The following TMEM151A variants were observed in gnomAD, a reference collection of about 807,000 sequenced individuals.
TMEM151A encodes the protein transmembrane protein 151.
In TMEM151A, 21 loss-of-function variants were observed where a neutral mutation model predicts 33.7. The observed-to-expected ratio is 0.62, with a 90% CI of 0.44 to 0.90. The LOEUF (loss-of-function observed/expected upper bound fraction) is 0.90, where lower values mean the gene tolerates loss of function less well. TMEM151A is among the 40% of genes least tolerant of loss of function. The pLI is 0.00. For missense variants in TMEM151A, 704 were observed against 697.7 expected (o/e 1.01, Z -0.10); for synonymous variants, 374 against 330.3 (o/e 1.13, Z -1.43).
chr11:66,295,127 C>T lies in TMEM151A; in HGVS notation c.881C>T (p.Ala294Val). 2 of 1,583,716 alleles carry T rather than the reference C, an allele frequency of 1.3e-6. No individual in the cohort carries two copies. Among genetic ancestry groups the T allele is most frequent in the Non-Finnish European group, 1.7e-6 (2 of 1,170,958 alleles). The change falls in exon 2 of 2, where the codon GCC becomes GTC. Residue 294 changes from alanine to valine, a missense_variant. By Grantham distance (64) the Ala-to-Val change is moderately conservative. Transcript: ENST00000327259. ...RAWVFWLVSA[A>V]TLSWPLRVVA... Reference sequence around the variant, plus strand: ...TGGGTCTTCTGGCTCGTGTCGGCGGCCACGCTGTCGTGGCCCCTGCGCGTC... The same window carrying T: ...TGGGTCTTCTGGCTCGTGTCGGCGGTCACGCTGTCGTGGCCCCTGCGCGTC...
intron 1 of TMEM151A, 68 bp from the exon 2 acceptor site, chr11:66,294,254 A>G (rs1016983246): frequency 4.4e-6 from 7 of 1,576,860 alleles, no homozygotes; most frequent in Non-Finnish European, 6.0e-6. Context: ...CAGCCGGGTT[A>G]AGCAAAGTGG....
Position 66,295,166 on chromosome 11 carries a change from G to C in TMEM151A, c.920G>C (p.Gly307Ala). 2.5e-6 allele frequency: 4 copies of C among 1,586,326 alleles called. No individual in the cohort carries two copies. The South Asian group carries it at 3.4e-5, about 13-fold the overall frequency. The change falls in exon 2 of 2, where the codon GGC becomes GCC. Residue 307 changes from glycine (G) to alanine (A), a missense_variant. This residue lies in a region of TMEM151A where 398 missense variants were observed against 356.0 expected (regional missense o/e 1.12). Coordinates refer to ENST00000327259, the MANE Select transcript of TMEM151A (RefSeq NM_153266.4). ...SWPLRVVAAY[G>A]TAHVHYQVEK... ...CCCCTGCGCGTCGTGGCCGCCTATG[G>C]CACGGCTCACGTGCACTACCAGGTG...
At chr11:66,294,182 G>T (rs1004107555) in intron 1 of TMEM151A, 140 bp from the exon 2 acceptor site, 214 of 1,309,914 alleles carry the variant, frequency 1.6e-4, no homozygotes, top group Admixed American at 8.6e-4. Context: ...GGAGCAAGCT[G>T]CTCATCCCTC....
chr11:66,292,224 C>G lies in TMEM151A; in HGVS notation c.75+136C>G, dbSNP rs1161623162. The G allele has an allele frequency of 5.3e-6, 4 of 750,086 alleles. No homozygotes were observed. The highest frequency in any genetic ancestry group is 7.7e-6 in the Non-Finnish European group (4 of 517,332). The allele number at this position is 750,086 out of a possible 1,614,324, so 46.5% of individuals were successfully genotyped here. On this transcript the variant is annotated intron_variant, in intron 1 of 1. Transcript: ENST00000327259. The surrounding 1 kb of genome is among the most constrained non-coding windows in gnomAD (Gnocchi z 4.7). ...CCAATGACGTCATTGGGGTCACCTG[C>G]GCCCTGCCAAGGGTCCAGGGGCCCG...
In TMEM151A at chr11:66,295,721, T is replaced by C. The variant is rs796234739; in HGVS notation, c.*68T>C. ...ACCATGGGCTTAGATGCCCGAGTGA[T>C]TGTTGTCCAAAACAGGCGGGAAAAC... On this transcript the variant is annotated 3_prime_UTR_variant, in exon 2 of 2. Transcript: ENST00000327259. The C allele has an allele frequency of 5.3e-6, 7 of 1,329,024 alleles. No individual in the cohort carries two copies. In the African/African-American group the frequency reaches 8.6e-5, roughly 16 times the overall value. The allele number at this position is 1,329,024 out of a possible 1,614,324, so 82.3% of individuals were successfully genotyped here. A position where few individuals can be genotyped will look rare whatever the true frequency, so the allele number is the denominator to read the frequency against.
chr11:66,295,440 C>T lies in TMEM151A; in HGVS notation c.1194C>T (p.Arg398=). ...SLPPARPSGP[R]LPFSRSRLSL... ...CCCCCGCCCGGCCCAGCGGGCCCCGCCTGCCCTTCAGCCGCAGCCGCCTCT... is the reference window on the plus strand; with the variant it reads ...CCCCCGCCCGGCCCAGCGGGCCCCGTCTGCCCTTCAGCCGCAGCCGCCTCT... Residue 398 remains arginine, a synonymous_variant, in exon 2 of 2, where the codon CGC becomes CGT. Coordinates refer to ENST00000327259, the MANE Select transcript of TMEM151A (RefSeq NM_153266.4). The T allele has an allele frequency of 2.0e-6, 3 of 1,465,604 alleles. No individual in the cohort carries two copies. Among genetic ancestry groups the T allele is most frequent in the Non-Finnish European group, 2.7e-6 (3 of 1,110,526 alleles). 90.8% of individuals were successfully genotyped at this position (1,465,604 alleles called of 1,614,324 possible). A position where few individuals can be genotyped will look rare whatever the true frequency, so the allele number is the denominator to read the frequency against.
Position 66,295,557 on chromosome 11 carries a change from G to A in TMEM151A, c.1311G>A (p.Leu437=). 6.8e-7 allele frequency: 1 copy of A among 1,477,676 alleles called. No individual in the cohort carries two copies. Among genetic ancestry groups the A allele is most frequent in the African/African-American group, 1.5e-5 (1 of 68,022 alleles). The allele number at this position is 1,477,676 out of a possible 1,614,324, so 91.5% of individuals were successfully genotyped here. Residue 437 remains leucine, a synonymous_variant, in exon 2 of 2, where the codon CTG becomes CTA. Transcript: ENST00000327259. The part of the protein sequence containing the change: ...LGRRGEDTEP[L]ESPPCYEDAL... ...GCCGTGGAGAGGACACGGAACCCCT[G>A]GAGAGCCCGCCCTGCTATGAGGACG...
In TMEM151A at chr11:66,295,785, G is replaced by T. The variant is rs1012018582; in HGVS notation, c.*132G>T. 2.1e-5 allele frequency: 18 copies of T among 864,614 alleles called. No homozygotes were observed. The African/African-American group carries it at 2.8e-4, about 14-fold the overall frequency. 53.6% of individuals were successfully genotyped at this position (864,614 alleles called of 1,614,324 possible). ...ACAAGGGGCAGGGGTGAGGGTGGGG[G>T]TGGGGGTCCTTAAACAGACTAAAAT... is the stretch of plus-strand genomic sequence containing the variant. On this transcript the variant is annotated 3_prime_UTR_variant, in exon 2 of 2. Coordinates refer to ENST00000327259, the MANE Select transcript of TMEM151A (RefSeq NM_153266.4).
At position 66,294,495 on chromosome 11, in the gene TMEM151A, G is replaced by A; in HGVS notation, c.249G>A (p.Gly83=). The A allele has an allele frequency of 6.2e-7, 1 of 1,604,628 alleles. No individual in the cohort carries two copies. The highest frequency in any genetic ancestry group is 8.5e-7 in the Non-Finnish European group (1 of 1,175,398). The change falls in exon 2 of 2, where the codon GGG becomes GGA. Residue 83 remains glycine (G), a synonymous_variant. Transcript: ENST00000327259. Reference sequence around the variant, plus strand: ...AGGCCGCCTTGGCCCGGGGAGCCGGGGGCCCGCCACCGACCTACCCGGCCA... The same window carrying A: ...AGGCCGCCTTGGCCCGGGGAGCCGGAGGCCCGCCACCGACCTACCCGGCCA... ...GPEAALARGA[G]GPPPTYPASP... is the part of the protein sequence containing the mutation.
Position 66,294,691 on chromosome 11 carries a change from G to A in TMEM151A, c.445G>A (p.Val149Ile), listed in dbSNP as rs1839524551. 6.3e-7 allele frequency: 1 copy of A among 1,585,408 alleles called. No individual in the cohort carries two copies. Among genetic ancestry groups the A allele is most frequent in the East Asian group, 2.3e-5 (1 of 43,368 alleles). Residue 149 changes from valine to isoleucine, a missense_variant, in exon 2 of 2, where the codon GTC (valine) becomes ATC (isoleucine). Physicochemically the swap from Val to Ile is conservative, Grantham distance 29. This residue lies in a region of TMEM151A where 301 missense variants were observed against 323.4 expected (regional missense o/e 0.93). Coordinates refer to ENST00000327259, the MANE Select transcript of TMEM151A (RefSeq NM_153266.4). Reference protein sequence around the residue: ...IRRLQQAPPCVWWKATSYHYV... With the variant: ...IRRLQQAPPCIWWKATSYHYV... Reference sequence around the variant, plus strand: ...CCGGCTGCAGCAGGCGCCGCCGTGCGTCTGGTGGAAGGCCACCAGCTATCA... The same window carrying A: ...CCGGCTGCAGCAGGCGCCGCCGTGCATCTGGTGGAAGGCCACCAGCTATCA...
intron 1 of TMEM151A, among the ~76,000 whole-genome samples, chr11:66,293,275 G>T (rs764259440): frequency 6.6e-6 from 1 of 152,086 alleles, no homozygotes; most frequent in Non-Finnish European, 1.5e-5. Context: ...TCTCCTCTTG[G>T]GCCTCTGGAG....
Position 66,294,538 on chromosome 11 carries a change from T to TACCTGTACATCCCGCTGGCC in TMEM151A, c.293_312dup (p.Phe105ThrfsTer41), listed in dbSNP as rs773020555. 3 of 1,612,756 alleles carry TACCTGTACATCCCGCTGGCC rather than the reference T, an allele frequency of 1.9e-6. No individual in the cohort carries two copies. The highest frequency in any genetic ancestry group is 3.3e-5 in the Admixed American group (2 of 59,930). On this transcript the variant is annotated frameshift_variant, in exon 2 of 2. Coordinates refer to ENST00000327259, the MANE Select transcript of TMEM151A (RefSeq NM_153266.4). LOFTEE classifies it high-confidence loss of function. ...CCCGGCCAGCCCCTGCTCCGATGGCTACCTGTACATCCCGCTGGCCTTCGT... is the reference window on the plus strand; with the variant it reads ...CCCGGCCAGCCCCTGCTCCGATGGCTACCTGTACATCCCGCTGGCCACCTGTACATCCCGCTGGCCTTCGT...
At position 66,294,839 on chromosome 11, in the gene TMEM151A, A is replaced by ACGG. The variant is rs1565190247; in HGVS notation, c.596_598dup (p.Gly199dup). On this transcript the variant is annotated inframe_insertion, in exon 2 of 2. Transcript: ENST00000327259. ...CGCGGCGAGTTTGACTACTCGGCGC[A>ACGG]CGGCGTCCGCGACGTCTCCAAGGAG... 1.3e-6 allele frequency: 2 copies of ACGG among 1,539,086 alleles called. No homozygotes were observed. The highest frequency in any genetic ancestry group is 1.7e-6 in the Non-Finnish European group (2 of 1,145,784).
chr11:66,295,659 C>A lies in TMEM151A; in HGVS notation c.*6C>A. ...ATGGGCAGGGTGCTCTCTGAGACCCCCCACGGCCCCCAGAGTGGCCCCCTC... is the reference window on the plus strand; with the variant it reads ...ATGGGCAGGGTGCTCTCTGAGACCCACCACGGCCCCCAGAGTGGCCCCCTC... On this transcript the variant is annotated 3_prime_UTR_variant, in exon 2 of 2. Transcript: ENST00000327259. 6.7e-7 allele frequency: 1 copy of A among 1,487,698 alleles called. No homozygotes were observed. The highest frequency in any genetic ancestry group is 2.4e-5 in the Admixed American group (1 of 41,682). 92.2% of individuals were successfully genotyped at this position (1,487,698 alleles called of 1,614,324 possible). A position where few individuals can be genotyped will look rare whatever the true frequency, so the allele number is the denominator to read the frequency against.
rs1854315136 is a variant in TMEM151A at position 66,296,006 on chromosome 11, C to T, written c.*353C>T. On this transcript the variant is annotated 3_prime_UTR_variant, in exon 2 of 2. Transcript: ENST00000327259. The stretch of plus-strand genomic sequence containing the variant: ...CTGCAGCAGAGGCTGCCTGTGGACA[C>T]TTCCCTACCGGGGCTGAGGCCATGC... 4.7e-6 allele frequency: 1 copy of T among 213,876 alleles called. No individual in the cohort carries two copies. The highest frequency in any genetic ancestry group is 9.2e-6 in the Non-Finnish European group (1 of 108,216). The allele number at this position is 213,876 out of a possible 1,614,324, so 13.2% of individuals were successfully genotyped here.
At chr11:66,293,876 G>T (rs909926689) in intron 1 of TMEM151A, among the ~76,000 whole-genome samples, 2 of 152,206 alleles carry the variant, frequency 1.3e-5, no homozygotes, top group African/African-American at 2.4e-5. Context: ...CAAAGCCCAT[G>T]CTGTTTACAC....
At position 66,295,022 on chromosome 11, in the gene TMEM151A, T is replaced by C; in HGVS notation, c.776T>C (p.Met259Thr). ...LDDYLEAREG[M>T]HLKDVDFRES... ...GACTATCTGGAGGCGCGCGAGGGCA[T>C]GCACCTGAAGGACGTAGACTTCCGC... is the stretch of plus-strand genomic sequence containing the variant. The change falls in exon 2 of 2, where the codon ATG becomes ACG. Residue 259 changes from methionine to threonine, a missense_variant. Met to Thr is a moderately conservative substitution (Grantham distance 81). Transcript: ENST00000327259. 1 of 1,598,728 alleles carries C rather than the reference T, an allele frequency of 6.3e-7. No individual in the cohort carries two copies. Among genetic ancestry groups the C allele is most frequent in the Non-Finnish European group, 8.5e-7 (1 of 1,179,000 alleles).
chr11:66,295,655 A>C lies in TMEM151A; in HGVS notation c.*2A>C. 1 of 1,493,650 alleles carries C rather than the reference A, an allele frequency of 6.7e-7. No individual in the cohort carries two copies. The highest frequency in any genetic ancestry group is 8.9e-7 in the Non-Finnish European group (1 of 1,124,682). 92.5% of individuals were successfully genotyped at this position (1,493,650 alleles called of 1,614,324 possible). A position where few individuals can be genotyped will look rare whatever the true frequency, so the allele number is the denominator to read the frequency against. On this transcript the variant is annotated 3_prime_UTR_variant, in exon 2 of 2. Coordinates refer to ENST00000327259, the MANE Select transcript of TMEM151A (RefSeq NM_153266.4). ...GGGGATGGGCAGGGTGCTCTCTGAG[A>C]CCCCCCACGGCCCCCAGAGTGGCCC...
At position 66,295,809 on chromosome 11, in the gene TMEM151A, A is replaced by C; in HGVS notation, c.*156A>C. ...GGTGGGGGTCCTTAAACAGACTAAAATGCAGTTACCTGTGGTCATTTTGGA... is the reference window on the plus strand; with the variant it reads ...GGTGGGGGTCCTTAAACAGACTAAACTGCAGTTACCTGTGGTCATTTTGGA... On this transcript the variant is annotated 3_prime_UTR_variant, in exon 2 of 2. Coordinates refer to ENST00000327259, the MANE Select transcript of TMEM151A (RefSeq NM_153266.4). 3.3e-6 allele frequency: 2 copies of C among 600,196 alleles called. No individual in the cohort carries two copies. Among genetic ancestry groups the C allele is most frequent in the South Asian group, 5.6e-5 (1 of 17,700 alleles). The allele number at this position is 600,196 out of a possible 1,614,324, so 37.2% of individuals were successfully genotyped here.
Sources: allele counts gnomAD v4.1 joint callset (sites outside exome capture counted in the v4.1 genomes callset), GRCh38; gene constraint gnomAD v4.1.1; regional missense constraint gnomAD v4.1.1; non-coding constraint Gnocchi (gnomAD v3.1); transcripts MANE v1.5; gene names NCBI Gene and HGNC (gene_info 2026-07-23, HGNC 2026-07-21).